The following THBS4 variants were observed in gnomAD, a reference collection of about 807,000 sequenced individuals.
THBS4 encodes the protein thrombospondin 4.
Under a neutral mutation model 115.7 loss-of-function variants are expected in THBS4, and 90 were observed. That is an observed-to-expected ratio of 0.78 (90% CI 0.66 to 0.93). The LOEUF is 0.93. Ranked by LOEUF, THBS4 falls within the 40% of genes least tolerant of loss-of-function variation. The pLI is 0.00. For missense variants in THBS4, 1,087 were observed against 1,232.7 expected (o/e 0.88, Z 1.77); for synonymous variants, 460 against 479.3 (o/e 0.96, Z 0.53).
intron 10 of THBS4, chr5:80,068,509 C>T: frequency 4.5e-6 from 1 of 223,886 alleles, no homozygotes; most frequent in South Asian, 6.4e-5. Context: ...ATAATGACAA[C>T]ATACCTGCTG....
At chr5:80,057,079 TAGAG>T (rs1561313763) in intron 3 of THBS4, among the ~76,000 whole-genome samples, 1 of 152,190 alleles carries the variant, frequency 6.6e-6, no homozygotes, top group African/African-American at 2.4e-5. Flanking sequence ...CAGTCATATA[TAGAG>T]AGATTTTTAA....
intron 10 of THBS4, 151 bp downstream of exon 10, chr5:80,068,276 C>T (rs1169186776): frequency 5.0e-5 from 50 of 1,002,508 alleles, no homozygotes; most frequent in African/African-American, 6.5e-5. Flanking sequence ...CAGGGTCCAC[C>T]GAGTTTGTGG....
chr5:80,078,642 A>G, intron 17 of THBS4, among the ~76,000 whole-genome samples: 1 of 152,218 alleles, frequency 6.6e-6, no homozygotes, highest in Admixed American at 6.5e-5. Flanking sequence ...TTAGAAGTAT[A>G]TGTTGTATGC....
chr5:79,991,361 A>C, exon 1 of THBS4: 63 of 813,616 alleles, frequency 7.7e-5, no homozygotes, highest in East Asian at 1.7e-4. Flanking sequence ...GATGAGAGAA[A>C]CAACGACTGG....
At chr5:80,080,707 C>A (rs571772133) in intron 20 of THBS4, among the ~76,000 whole-genome samples, 2 of 151,052 alleles carry the variant, frequency 1.3e-5, no homozygotes, top group East Asian at 4.0e-4. Context: ...CTGCCTCAGC[C>A]TCCCGAGTAG....
chr5:80,060,431 C>T (rs973537032), intron 7 of THBS4, among the ~76,000 whole-genome samples: 7 of 152,122 alleles, frequency 4.6e-5, no homozygotes, highest in Admixed American at 1.3e-4. Context: ...GCTATTTGAC[C>T]GGCTGGCAGA....
At chr5:80,074,800 A>G (rs1743114280) in intron 15 of THBS4, among the ~76,000 whole-genome samples, 1 of 151,970 alleles carries the variant, frequency 6.6e-6, no homozygotes, top group African/African-American at 2.4e-5. Flanking sequence ...TTTAGTAGAG[A>G]CAGAGTTTCA....
At chr5:80,042,823 A>G (rs411240) in intron 2 of THBS4, among the ~76,000 whole-genome samples, 84,143 of 151,878 alleles carry the variant, frequency 0.55, 23,782 homozygotes, top group African/African-American at 0.67. Flanking sequence ...AAAATTAGCC[A>G]GGCATGGCAG....
chr5:80,002,182 C>G (rs1831912649), intron 2 of THBS4, among the ~76,000 whole-genome samples: 1 of 152,126 alleles, frequency 6.6e-6, no homozygotes, highest in Non-Finnish European at 1.5e-5. Flanking sequence ...TGGGGTTACA[C>G]TGGTGGGTAC....
chr5:80,011,967 T>C (rs1832136118), intron 2 of THBS4, among the ~76,000 whole-genome samples: 1 of 152,068 alleles, frequency 6.6e-6, no homozygotes, highest in Admixed American at 6.5e-5. Flanking sequence ...TTTCTGTTAG[T>C]GTTGCTTGGA....
chr5:80,068,573 CT>C (rs1455285303), intron 10 of THBS4: 1 of 171,676 alleles, frequency 5.8e-6, no homozygotes. Context: ...TGCCTTGACG[CT>C]CCTGTTGGGG....
At chr5:80,019,198 A>G (rs1832311884) in intron 2 of THBS4, among the ~76,000 whole-genome samples, 1 of 152,200 alleles carries the variant, frequency 6.6e-6, no homozygotes. Flanking sequence ...AATCATGAGA[A>G]ATAATTGACC....
chr5:80,003,966 G>A (rs938299965), intron 2 of THBS4, among the ~76,000 whole-genome samples: 22 of 152,200 alleles, frequency 1.4e-4, no homozygotes, highest in African/African-American at 4.8e-4. Flanking sequence ...CTGGTAGTAA[G>A]TAGTAGGGAG....
chr5:80,006,420 A>G (rs1024815403), intron 2 of THBS4, among the ~76,000 whole-genome samples: 1 of 152,168 alleles, frequency 6.6e-6, no homozygotes, highest in African/African-American at 2.4e-5. Flanking sequence ...GCTGCCATCC[A>G]TGTAAGAGGA....
At chr5:80,003,462 A>G (rs1580902465) in intron 2 of THBS4, among the ~76,000 whole-genome samples, 1 of 152,166 alleles carries the variant, frequency 6.6e-6, no homozygotes, top group East Asian at 1.9e-4. Flanking sequence ...TGTTTTCCTT[A>G]TCAATTCTTA....
chr5:80,078,411 C>CT (rs1284207460), intron 17 of THBS4, among the ~76,000 whole-genome samples, 184 bp downstream of exon 17: 3 of 152,206 alleles, frequency 2.0e-5, no homozygotes, highest in Non-Finnish European at 4.4e-5. Context: ...ATGAAATTGT[C>CT]TGCTACAGCT....
At chr5:80,014,026 G>T (rs1421297977) in intron 2 of THBS4, among the ~76,000 whole-genome samples, 2 of 152,156 alleles carry the variant, frequency 1.3e-5, no homozygotes. Flanking sequence ...TCCTTGCCCA[G>T]CTTGCCTGTT....
At chr5:80,049,514 T>C (rs1324567038) in intron 2 of THBS4, among the ~76,000 whole-genome samples, 1 of 152,212 alleles carries the variant, frequency 6.6e-6, no homozygotes, top group East Asian at 1.9e-4. Context: ...TACACAAAGA[T>C]GCCAAGTTTA....
chr5:80,030,946 G>T (rs185976418), upstream of THBS4, among the ~76,000 whole-genome samples: 126 of 152,264 alleles, frequency 8.3e-4, no homozygotes, highest in Non-Finnish European at 1.4e-3. Flanking sequence ...CTTCTACTTA[G>T]TTGTGCCAAA....
Sources: allele counts gnomAD v4.1 joint callset (sites outside exome capture counted in the v4.1 genomes callset), GRCh38; gene constraint gnomAD v4.1.1; transcripts MANE v1.5; gene names NCBI Gene and HGNC (gene_info 2026-07-23, HGNC 2026-07-21).